The following PRKCB variants were observed in gnomAD, a reference collection of about 807,000 sequenced individuals.
The protein encoded by PRKCB is protein kinase C beta type.
A neutral mutation model predicts 81.5 loss-of-function variants in PRKCB; 13 were observed. The ratio of observed to expected loss-of-function variants is 0.16; its 90% confidence interval spans 0.10 to 0.25. The LOEUF (loss-of-function observed/expected upper bound fraction) is 0.25. Ranked by LOEUF, PRKCB falls within the 10% of genes least tolerant of loss-of-function variation. The pLI is 1.00. For synonymous variants in PRKCB, 335 were observed against 321.4 expected (o/e 1.04, Z -0.45); for missense variants, 509 against 875.7 (o/e 0.58, Z 5.29).
At chr16:23,970,279 C>T (rs1964539912) in intron 2 of PRKCB, among the ~76,000 whole-genome samples, 1 of 152,176 alleles carries the variant, frequency 6.6e-6, no homozygotes, top group Non-Finnish European at 1.5e-5. Flanking sequence ...AACACTCCTT[C>T]ACCCTCATTT....
chr16:24,145,439 G>C (rs1240516456), intron 9 of PRKCB, among the ~76,000 whole-genome samples: 1 of 152,146 alleles, frequency 6.6e-6, no homozygotes, highest in Non-Finnish European at 1.5e-5. Flanking sequence ...AAAGAGAATA[G>C]AATGTTTATG....
chr16:23,911,304 T>A (rs1245490197), intron 2 of PRKCB, among the ~76,000 whole-genome samples: 1 of 151,950 alleles, frequency 6.6e-6, no homozygotes, highest in African/African-American at 2.4e-5. Flanking sequence ...ATTTGTTTAT[T>A]TTTTGTAGAC....
chr16:24,210,869 C>T (rs1433435217), intron 16 of PRKCB, among the ~76,000 whole-genome samples: 4 of 152,208 alleles, frequency 2.6e-5, no homozygotes, highest in African/African-American at 9.7e-5. Flanking sequence ...TTTACAGTTA[C>T]AGTCTCGTTT....
intron 9 of PRKCB, among the ~76,000 whole-genome samples, chr16:24,146,170 TC>T (rs2141947461): frequency 6.6e-6 from 1 of 152,212 alleles, no homozygotes; most frequent in South Asian, 2.1e-4. Context: ...GAACAGATCC[TC>T]CCTCAGAATC....
chr16:23,894,187 C>T (rs1343636166), intron 2 of PRKCB, among the ~76,000 whole-genome samples: 1 of 152,200 alleles, frequency 6.6e-6, no homozygotes, highest in Non-Finnish European at 1.5e-5. Flanking sequence ...CCCTGATGCA[C>T]AAACTTTTTT....
intron 12 of PRKCB, among the ~76,000 whole-genome samples, chr16:24,175,432 ACCCCTTGC>A (rs1967513328): frequency 1.3e-5 from 2 of 151,392 alleles, no homozygotes; most frequent in South Asian, 4.2e-4. Context: ...AACAGATGAA[ACCCCTTGC>A]CCCCGTGGAG....
At chr16:24,101,337 C>T (rs1046565068) in intron 7 of PRKCB, among the ~76,000 whole-genome samples, 6 of 152,076 alleles carry the variant, frequency 3.9e-5, no homozygotes, top group African/African-American at 9.7e-5. Flanking sequence ...TGCTTCAGTT[C>T]GGGAGTTAGA....
intron 2 of PRKCB, among the ~76,000 whole-genome samples, chr16:23,980,705 A>ATCTATCCCAGATTAACC (rs1363809849): frequency 6.6e-6 from 1 of 152,076 alleles, no homozygotes; most frequent in Non-Finnish European, 1.5e-5. Context: ...ATTGACATGG[A>ATCTATCCCAGATTAACC]TTTAAGGGTA....
intron 2 of PRKCB, among the ~76,000 whole-genome samples, chr16:23,906,732 G>A (rs1963566919): frequency 1.3e-5 from 2 of 152,000 alleles, no homozygotes; most frequent in Non-Finnish European, 1.5e-5. Context: ...TTACCAGATG[G>A]CCAGCCAGTT....
chr16:24,180,844 C>T lies in PRKCB; in HGVS notation c.1449C>T (p.Ala483=), dbSNP rs746954626. The T allele has an allele frequency of 1.4e-5, 23 of 1,614,016 alleles. No individual in the cohort carries two copies. Among genetic ancestry groups the T allele is most frequent in the Middle Eastern group, 1.6e-4 (1 of 6,084 alleles). The part of the protein sequence containing the change: ...MLDSEGHIKI[A]DFGMCKENIW... ...ATTCTGAGGGACACATCAAGATTGC[C>T]GATTTTGGCATGTGTAAGGAAAACA... is the stretch of plus-strand genomic sequence containing the variant. The change falls in exon 13 of 17, where the codon GCC becomes GCT. Residue 483 remains alanine, a synonymous_variant. Coordinates refer to ENST00000643927, the MANE Select transcript of PRKCB (RefSeq NM_002738.7).
intron 3 of PRKCB, among the ~76,000 whole-genome samples, chr16:24,006,785 G>A (rs991482028): frequency 6.6e-6 from 1 of 152,082 alleles, no homozygotes; most frequent in Non-Finnish European, 1.5e-5. Flanking sequence ...TAAACGCTGT[G>A]GGGGTAGGAT....
chr16:24,158,604 ATGTG>A (rs377085007), intron 10 of PRKCB, among the ~76,000 whole-genome samples: 8 of 148,394 alleles, frequency 5.4e-5, no homozygotes, highest in Non-Finnish European at 7.5e-5. Flanking sequence ...ATGTGTGTGT[ATGTG>A]TGTGTGTGTG....
At chr16:24,165,935 G>A (rs1967339826) in intron 10 of PRKCB, among the ~76,000 whole-genome samples, 1 of 132,890 alleles carries the variant, frequency 7.5e-6, no homozygotes, top group Admixed American at 8.6e-5. Flanking sequence ...TCCCCAGGCT[G>A]GAGTGCAGTG....
intron 2 of PRKCB, among the ~76,000 whole-genome samples, chr16:23,965,212 T>A (rs1401475474): frequency 4.6e-5 from 7 of 152,198 alleles, no homozygotes; most frequent in Admixed American, 3.9e-4. Context: ...TGCCTGATGT[T>A]TAGCTCCCAC....
At chr16:23,863,114 G>T (rs1962704513) in intron 2 of PRKCB, among the ~76,000 whole-genome samples, 1 of 144,780 alleles carries the variant, frequency 6.9e-6, no homozygotes, top group South Asian at 2.2e-4. Context: ...TAACATATAT[G>T]ATCATATAAT....
intron 2 of PRKCB, among the ~76,000 whole-genome samples, chr16:23,986,110 AC>A (rs1354243559): frequency 1.3e-5 from 2 of 152,222 alleles, no homozygotes; most frequent in Admixed American, 6.5e-5. Flanking sequence ...ATATAAAAGT[AC>A]AAAAAAACTC....
At position 23,942,929 on chromosome 16, in the gene PRKCB, C is replaced by T. The variant is rs568901799; in HGVS notation, c.206-45579C>T. Among the ~76,000 whole-genome samples, 4 of 152,160 alleles carry T rather than the reference C, an allele frequency of 2.6e-5. No individual in the cohort carries two copies. The East Asian group carries it at 7.7e-4, about 29-fold the overall frequency. Reference sequence around the variant, plus strand: ...CAGGAAAGGAGACAAATGAATTATTCACGATTATTGTCTCTTGAGGGGCAG... The same window carrying T: ...CAGGAAAGGAGACAAATGAATTATTTACGATTATTGTCTCTTGAGGGGCAG... On this transcript the variant is annotated intron_variant, in intron 2 of 16. Coordinates refer to ENST00000643927, the MANE Select transcript of PRKCB (RefSeq NM_002738.7).
At chr16:23,896,198 A>G (rs1207207197) in intron 2 of PRKCB, among the ~76,000 whole-genome samples, 1 of 151,912 alleles carries the variant, frequency 6.6e-6, no homozygotes. Context: ...AATATATTTG[A>G]TTTCCCATGA....
intron 2 of PRKCB, among the ~76,000 whole-genome samples, chr16:23,902,777 C>CCTTCCTTCCTTCCTTCCTTCCTTCCTT (rs1963500004): frequency 1.6e-5 from 1 of 62,086 alleles, no homozygotes; most frequent in African/African-American, 6.8e-5. Flanking sequence ...TTCCTTCCTT[C>CCTTCCTTCCTTCCTTCCTTCCTTCCTT]CTTCCTCCCT....
Sources: allele counts gnomAD v4.1 joint callset (sites outside exome capture counted in the v4.1 genomes callset), GRCh38; gene constraint gnomAD v4.1.1; transcripts MANE v1.5; gene names NCBI Gene and HGNC (gene_info 2026-07-23, HGNC 2026-07-21).